The following TMEM135 variants were observed in gnomAD, a reference collection of about 807,000 sequenced individuals.
TMEM135 encodes the protein transmembrane protein 135.
Under a neutral mutation model 60.3 loss-of-function variants are expected in TMEM135, and 30 were observed. The ratio of observed to expected loss-of-function variants is 0.50; its 90% CI spans 0.37 to 0.68. TMEM135 has a LOEUF of 0.68. TMEM135 is among the 30% of genes least tolerant of loss of function. The probability of loss-of-function intolerance (pLI) is 0.00; values close to 1 mark genes in which losing one functional copy is unlikely to be tolerated. For synonymous variants in TMEM135, 190 were observed against 186.7 expected (o/e 1.02, Z -0.14); for missense variants, 468 against 548.8 (o/e 0.85, Z 1.47).
intron 3 of TMEM135, among the ~76,000 whole-genome samples, chr11:87,073,148 C>T (rs1405380895): frequency 6.6e-6 from 1 of 152,074 alleles, no homozygotes; most frequent in Admixed American, 6.5e-5. Flanking sequence ...AATTCTCTTG[C>T]TTCAGCCTCC....
At chr11:87,145,549 G>A (rs1383947114) in intron 4 of TMEM135, among the ~76,000 whole-genome samples, 1 of 151,946 alleles carries the variant, frequency 6.6e-6, no homozygotes, top group African/African-American at 2.4e-5. Context: ...TTCCCACCAA[G>A]AGTATATAAA....
At chr11:87,206,251 G>A (rs980143129) in intron 5 of TMEM135, among the ~76,000 whole-genome samples, 4 of 152,102 alleles carry the variant, frequency 2.6e-5, no homozygotes, top group Non-Finnish European at 4.4e-5. Flanking sequence ...GAAATGCTGT[G>A]ATTAATGTTC....
intron 4 of TMEM135, among the ~76,000 whole-genome samples, chr11:87,151,799 A>C (rs1269752998): frequency 6.6e-6 from 1 of 152,098 alleles, no homozygotes; most frequent in Non-Finnish European, 1.5e-5. Context: ...GGATCAATGG[A>C]AAGAGATATA....
chr11:87,202,743 A>G (rs1053127266), intron 5 of TMEM135, among the ~76,000 whole-genome samples: 1 of 151,552 alleles, frequency 6.6e-6, no homozygotes, highest in African/African-American at 2.4e-5. Context: ...AAAAAAAAAA[A>G]AAAAGCAGAC....
At position 87,305,937 on chromosome 11, in the gene TMEM135, T is replaced by A; in HGVS notation, c.700T>A (p.Cys234Ser). 2 of 1,604,022 alleles carry A rather than the reference T, an allele frequency of 1.2e-6. No individual in the cohort carries two copies. Among genetic ancestry groups the A allele is most frequent in the Non-Finnish European group, 1.7e-6 (2 of 1,174,234 alleles). ...GLVRKFVDSI[C>S]KHGPRHRCCK... ...TAATTTTTTTGGGTTCAATTTCAGA[T>A]GCAAACATGGACCAAGGCATAGATG... The change falls in exon 9 of 15, where the codon TGC becomes AGC. Residue 234 changes from cysteine (C) to serine (S), a missense_variant and splice_region_variant. Cys to Ser is a moderately radical substitution (Grantham distance 112). Coordinates refer to ENST00000305494, the MANE Select transcript of TMEM135 (RefSeq NM_022918.4).
intron 4 of TMEM135, among the ~76,000 whole-genome samples, chr11:87,092,361 G>C (rs369371496): frequency 6.6e-6 from 1 of 152,146 alleles, no homozygotes; most frequent in Non-Finnish European, 1.5e-5. Flanking sequence ...AGAAAAGTGG[G>C]TGTAACCCCT....
chr11:87,092,604 A>C (rs1857233837), intron 4 of TMEM135, among the ~76,000 whole-genome samples: 1 of 152,170 alleles, frequency 6.6e-6, no homozygotes, highest in East Asian at 1.9e-4. Flanking sequence ...GCAGGAGAGC[A>C]GGATTTCTTT....
At chr11:87,102,694 A>ATATATATATG (rs1252650502) in intron 4 of TMEM135, among the ~76,000 whole-genome samples, 1 of 92,846 alleles carries the variant, frequency 1.1e-5, no homozygotes, top group African/African-American at 5.5e-5. Flanking sequence ...ATGTGTGTGT[A>ATATATATATG]TATATATATG....
At chr11:87,171,446 A>G (rs1939234703) in intron 5 of TMEM135, among the ~76,000 whole-genome samples, 1 of 151,994 alleles carries the variant, frequency 6.6e-6, no homozygotes, top group Non-Finnish European at 1.5e-5. Flanking sequence ...TCCCAACTGG[A>G]GTAGCCAGTG....
At chr11:87,099,545 CT>C (rs904493124) in intron 4 of TMEM135, among the ~76,000 whole-genome samples, 24 of 152,170 alleles carry the variant, frequency 1.6e-4, no homozygotes, top group Non-Finnish European at 3.1e-4. Context: ...TCCTTAACCC[CT>C]GTTCATGGTT....
At chr11:87,180,465 C>G (rs746757329) in intron 5 of TMEM135, among the ~76,000 whole-genome samples, 1 of 151,946 alleles carries the variant, frequency 6.6e-6, no homozygotes, top group Non-Finnish European at 1.5e-5. Context: ...GATAAGGGGT[C>G]TAGGAGACAG....
intron 6 of TMEM135, among the ~76,000 whole-genome samples, chr11:87,262,799 C>T (rs11235055): frequency 0.35 from 53,708 of 151,970 alleles, 10,044 homozygotes; most frequent in Non-Finnish European, 0.42. Flanking sequence ...GTCTTCATAG[C>T]AGTAGCATGA....
chr11:87,060,655 T>G (rs577733374), intron 1 of TMEM135, among the ~76,000 whole-genome samples: 3 of 151,822 alleles, frequency 2.0e-5, no homozygotes, highest in African/African-American at 7.2e-5. Flanking sequence ...TCCTTTTTTT[T>G]TTTTTGAGAC....
chr11:87,157,074 G>GT (rs199977904), intron 4 of TMEM135, among the ~76,000 whole-genome samples: 27,783 of 137,712 alleles, frequency 0.2, 2,880 homozygotes, highest in African/African-American at 0.26. Flanking sequence ...TCTTTCTTTT[G>GT]TTTTTTTTTT....
intron 4 of TMEM135, among the ~76,000 whole-genome samples, chr11:87,154,981 A>ATCCAGTTTTATTTATTTATT (rs1938651283): frequency 1.3e-5 from 2 of 151,122 alleles, no homozygotes; most frequent in East Asian, 1.9e-4. Flanking sequence ...TTTTGGTGAA[A>ATCCAGTTTTATTTATTTATT]TCCAGTTTTA....
intron 10 of TMEM135, among the ~76,000 whole-genome samples, chr11:87,311,327 A>G (rs1371421062): frequency 1.3e-5 from 2 of 152,030 alleles, no homozygotes; most frequent in Admixed American, 1.3e-4. Flanking sequence ...ATGAAATATT[A>G]CTAATATTAA....
At chr11:87,189,107 T>C (rs925357009) in intron 5 of TMEM135, among the ~76,000 whole-genome samples, 2 of 148,140 alleles carry the variant, frequency 1.4e-5, no homozygotes, top group Admixed American at 1.3e-4. Context: ...CCGTTTCCCT[T>C]TTCCTTTTCC....
At chr11:87,223,161 CTTTTTTT>C (rs34711550) in intron 5 of TMEM135, among the ~76,000 whole-genome samples, 1 of 133,782 alleles carries the variant, frequency 7.5e-6, no homozygotes. Context: ...TTGAAAAGCA[CTTTTTTT>C]TTTTTTTTTT....
intron 4 of TMEM135, among the ~76,000 whole-genome samples, chr11:87,144,726 G>T (rs903293454): frequency 6.7e-6 from 1 of 150,096 alleles, no homozygotes; most frequent in African/African-American, 2.5e-5. Context: ...GTGTGTGTGT[G>T]TGTGTGTGTT....
Sources: gnomAD v4.1 joint callset for allele counts (sites outside exome capture counted in the v4.1 genomes callset) on GRCh38, gnomAD v4.1.1 for gene constraint, MANE v1.5 for transcripts, NCBI Gene and HGNC (gene_info 2026-07-23, HGNC 2026-07-21) for gene names.